Variants in ZNF277 observed in about 807,000 individuals in gnomAD.
ZNF277 encodes nuclear receptor-interacting factor 4.
A neutral mutation model predicts 60.7 loss-of-function variants in ZNF277; 55 were observed. The ratio of observed to expected loss-of-function variants is 0.91; its 90% confidence interval spans 0.73 to 1.13. The LOEUF is 1.13. ZNF277 is among the 50% of genes most tolerant of loss of function. ZNF277 has a pLI of 0.00. For synonymous variants in ZNF277, 178 were observed against 179.3 expected (o/e 0.99, Z 0.06); for missense variants, 510 against 523.0 (o/e 0.98, Z 0.24).
intron 1 of ZNF277, among the ~76,000 whole-genome samples, chr7:112,256,436 T>G (rs1174158737): frequency 2.7e-5 from 4 of 145,836 alleles, no homozygotes; most frequent in Admixed American, 6.8e-5. Flanking sequence ...TTTTTTTTTT[T>G]TTTTTTTTTT....
intron 1 of ZNF277, among the ~76,000 whole-genome samples, chr7:112,277,841 G>A (rs182341658): frequency 4.6e-5 from 7 of 152,240 alleles, no homozygotes; most frequent in Admixed American, 2.6e-4. Flanking sequence ...AATAGATATT[G>A]TAAAAATATC....
intron 4 of ZNF277, among the ~76,000 whole-genome samples, chr7:112,310,361 A>T (rs963990633): frequency 6.6e-6 from 1 of 151,816 alleles, no homozygotes; most frequent in African/African-American, 2.4e-5. Context: ...AACAAGGGCC[A>T]TCCGAATTCT....
intron 4 of ZNF277, among the ~76,000 whole-genome samples, chr7:112,301,321 A>T (rs115115687): frequency 0.044 from 6,660 of 151,918 alleles, 346 homozygotes; most frequent in African/African-American, 0.13. Flanking sequence ...TTCTTCAAAA[A>T]CCTGCCCTAT....
intron 1 of ZNF277, among the ~76,000 whole-genome samples, chr7:112,210,669 G>A (rs1341751982): frequency 6.6e-6 from 1 of 151,542 alleles, no homozygotes; most frequent in Non-Finnish European, 1.5e-5. Context: ...ACAGAGTTTC[G>A]CCATCTAGGC....
chr7:112,215,533 C>T (rs533003725), intron 1 of ZNF277, among the ~76,000 whole-genome samples: 12 of 152,278 alleles, frequency 7.9e-5, no homozygotes, highest in African/African-American at 2.2e-4. Context: ...CCTGTCTCAC[C>T]GGAGCTAATA....
intron 1 of ZNF277, 55 bp from the exon 2 acceptor site, chr7:112,286,818 T>C (rs1792073120): frequency 7.1e-7 from 1 of 1,414,706 alleles, no homozygotes. Context: ...ATATGAAGAG[T>C]TGGTTTCAGC....
intron 5 of ZNF277, among the ~76,000 whole-genome samples, chr7:112,325,184 AC>A (rs1185993434): frequency 2.0e-5 from 3 of 152,268 alleles, no homozygotes; most frequent in African/African-American, 7.2e-5. Context: ...TTCCATCTGT[AC>A]CTGGCCCCCT....
At chr7:112,261,860 C>T (rs1040743945) in intron 1 of ZNF277, among the ~76,000 whole-genome samples, 2 of 152,106 alleles carry the variant, frequency 1.3e-5, no homozygotes, top group Non-Finnish European at 2.9e-5. Flanking sequence ...CCTGAACTAC[C>T]ATTTGTTCCA....
chr7:112,270,036 G>T (rs1307448907), intron 1 of ZNF277, among the ~76,000 whole-genome samples: 1 of 152,016 alleles, frequency 6.6e-6, no homozygotes, highest in African/African-American at 2.4e-5. Context: ...TGTAACCAGA[G>T]CAATCCTAAT....
intron 1 of ZNF277, among the ~76,000 whole-genome samples, chr7:112,261,166 G>T (rs181683711): frequency 6.6e-6 from 1 of 152,108 alleles, no homozygotes; most frequent in African/African-American, 2.4e-5. Context: ...CATTCTCTGC[G>T]TTAGATTCTT....
intron 1 of ZNF277, among the ~76,000 whole-genome samples, chr7:112,222,568 CT>C (rs1268245850): frequency 6.6e-6 from 1 of 151,972 alleles, no homozygotes; most frequent in Non-Finnish European, 1.5e-5. Flanking sequence ...AGGCTTCTGT[CT>C]TTTTTTTCTT....
chr7:112,339,818 A>G, intron 9 of ZNF277, 25 bp from the exon 10 acceptor site: 1 of 1,601,854 alleles, frequency 6.2e-7, no homozygotes, highest in Non-Finnish European at 8.5e-7. Flanking sequence ...TCATATGCTT[A>G]CAGATGTATT....
chr7:112,304,661 A>T (rs565422998), intron 4 of ZNF277, among the ~76,000 whole-genome samples: 1 of 152,162 alleles, frequency 6.6e-6, no homozygotes, highest in Non-Finnish European at 1.5e-5. Flanking sequence ...AGGATGTGAT[A>T]GAAAAAAATA....
chr7:112,258,839 T>C (rs1791381574), intron 1 of ZNF277, among the ~76,000 whole-genome samples: 1 of 152,132 alleles, frequency 6.6e-6, no homozygotes, highest in Non-Finnish European at 1.5e-5. Context: ...CCAATGAACA[T>C]TTTTGTCTAC....
chr7:112,336,261 A>G lies in ZNF277; in HGVS notation c.869+90A>G, dbSNP rs1793332909. 2.5e-6 allele frequency: 3 copies of G among 1,206,676 alleles called. No homozygotes were observed. In the African/African-American group the frequency reaches 4.7e-5, roughly 19 times the overall value. The allele number at this position is 1,206,676 out of a possible 1,614,324, so 74.7% of individuals were successfully genotyped here. A position where few individuals can be genotyped will look rare whatever the true frequency, so the allele number is the denominator to read the frequency against. On this transcript the variant is annotated intron_variant, in intron 8 of 11. Transcript: ENST00000361822. ...TTGGTTTAAATTATGAAGCGGGAACATAAGAAGAAAAAAATACCTTCTCTG... is the reference window on the plus strand; with the variant it reads ...TTGGTTTAAATTATGAAGCGGGAACGTAAGAAGAAAAAAATACCTTCTCTG...
intron 1 of ZNF277, among the ~76,000 whole-genome samples, chr7:112,263,519 A>G (rs887236075): frequency 1.3e-5 from 2 of 152,168 alleles, no homozygotes; most frequent in African/African-American, 4.8e-5. Flanking sequence ...CTTCTTTATC[A>G]GTCTGACCTT....
intron 4 of ZNF277, among the ~76,000 whole-genome samples, chr7:112,316,305 T>G (rs934063313): frequency 6.6e-6 from 1 of 152,104 alleles, no homozygotes; most frequent in African/African-American, 2.4e-5. Flanking sequence ...CTTTGCCCAC[T>G]TTTTGAAGGG....
At chr7:112,220,663 G>A (rs1259700124) in intron 1 of ZNF277, among the ~76,000 whole-genome samples, 1 of 152,176 alleles carries the variant, frequency 6.6e-6, no homozygotes, top group Non-Finnish European at 1.5e-5. Context: ...GACAGGACTA[G>A]CTGGATTTCC....
chr7:112,286,739 G>A, intron 1 of ZNF277, 134 bp from the exon 2 acceptor site: 1 of 721,990 alleles, frequency 1.4e-6, no homozygotes, highest in Non-Finnish European at 2.2e-6. Flanking sequence ...CCAGCACTAT[G>A]TATTTTTCTT....
Sources: allele counts gnomAD v4.1 joint callset (sites outside exome capture counted in the v4.1 genomes callset), GRCh38; gene constraint gnomAD v4.1.1; transcripts MANE v1.5; gene names NCBI Gene and HGNC (gene_info 2026-07-23, HGNC 2026-07-21).